RALGPS1: variants seen among roughly 807,000 people sequenced by gnomAD.
RALGPS1 encodes Ral GEF with PH domain and SH3 binding motif 1.
Under a neutral mutation model 78.8 loss-of-function variants are expected in RALGPS1, and 19 were observed. The observed-to-expected ratio is 0.24, with a 90% CI of 0.17 to 0.35. The LOEUF (loss-of-function observed/expected upper bound fraction) is 0.35. Among genes scored for constraint, RALGPS1 ranks in the 10% least tolerant of loss-of-function variants. The pLI, the probability that RALGPS1 is intolerant of heterozygous loss-of-function variation, is 1.00. For missense variants in RALGPS1, 454 were observed against 688.3 expected, an observed-to-expected ratio of 0.66 and a Z score of 3.81; for synonymous variants, 228 against 256.3, an observed-to-expected ratio of 0.89 and a Z score of 1.06.
Position 127,028,354 on chromosome 9 carries a change from A to G in RALGPS1, c.217-6077A>G, listed in dbSNP as rs188239622. On this transcript the variant is annotated intron_variant, in intron 4 of 18. Transcript: ENST00000259351. ...ATCCACTACCTGTGTGGTCTGGACA[A>G]ATTACCTGCTTGTTACATATTATTT... 1.0e-3 allele frequency among the ~76,000 whole-genome samples: 152 copies of G among 152,366 alleles called. 1 individual carries two copies. The highest frequency in any genetic ancestry group is 3.4e-3 in the Middle Eastern group (1 of 294).
In RALGPS1 at chr9:127,211,894, T is replaced by G. The variant is rs2062282673; in HGVS notation, c.1248-237T>G. Among the ~76,000 whole-genome samples, 1 of 152,176 alleles carries G rather than the reference T, an allele frequency of 6.6e-6. No individual in the cohort carries two copies. Among genetic ancestry groups the G allele is most frequent in the African/African-American group, 2.4e-5 (1 of 41,430 alleles). ...GATCAGGGCCTGGGTTATGAGGAAC[T>G]TGGTCACCAAGCCTGGAGCTTTGCA... On this transcript the variant is annotated intron_variant, in intron 14 of 18. Coordinates refer to ENST00000259351, the MANE Select transcript of RALGPS1 (RefSeq NM_014636.3). The surrounding 1 kb of genome is among the most constrained non-coding windows in gnomAD (Gnocchi z 5.0).
chr9:126,959,935 A>G (rs1338225804), intron 1 of RALGPS1, among the ~76,000 whole-genome samples: 2 of 152,196 alleles, frequency 1.3e-5, no homozygotes, highest in Non-Finnish European at 2.9e-5. Context: ...AATGTTGTTT[A>G]TAGGGCAGGC....
chr9:127,085,431 C>A (rs772276026), intron 8 of RALGPS1, among the ~76,000 whole-genome samples: 2 of 152,172 alleles, frequency 1.3e-5, no homozygotes, highest in Non-Finnish European at 2.9e-5. Flanking sequence ...TCTTTGCTGG[C>A]AGGTAGAGCA....
intron 4 of RALGPS1, among the ~76,000 whole-genome samples, chr9:127,006,534 A>C (rs986418391): frequency 5.3e-5 from 8 of 152,218 alleles, no homozygotes; most frequent in African/African-American, 1.9e-4. Flanking sequence ...TTCCACTGTT[A>C]CATTCAATAA....
chr9:127,169,678 C>T (rs1366700553), intron 10 of RALGPS1, among the ~76,000 whole-genome samples: 2 of 152,148 alleles, frequency 1.3e-5, no homozygotes, highest in Non-Finnish European at 2.9e-5. Flanking sequence ...AACGATCTTT[C>T]AACTTTACAG....
At chr9:127,009,812 G>A (rs181543829) in intron 4 of RALGPS1, among the ~76,000 whole-genome samples, 2 of 152,260 alleles carry the variant, frequency 1.3e-5, no homozygotes, top group African/African-American at 4.8e-5. Context: ...CTTAGCCTCT[G>A]CCCTTCCCAC....
chr9:126,982,734 T>G (rs909407057), intron 4 of RALGPS1, among the ~76,000 whole-genome samples: 4 of 150,598 alleles, frequency 2.7e-5, no homozygotes, highest in Non-Finnish European at 5.9e-5. Context: ...TGCCTCTCAG[T>G]TCCCCTTCCT....
chr9:127,208,435 G>C (rs1402367764), intron 14 of RALGPS1, among the ~76,000 whole-genome samples: 3 of 152,204 alleles, frequency 2.0e-5, no homozygotes, highest in Non-Finnish European at 2.9e-5. Context: ...ACAGTGTGGT[G>C]AGGAACTTGG....
intron 11 of RALGPS1, among the ~76,000 whole-genome samples, chr9:127,180,374 C>T (rs1362047842): frequency 1.3e-5 from 2 of 152,224 alleles, no homozygotes; most frequent in Non-Finnish European, 2.9e-5. Flanking sequence ...TGCTCTCTGA[C>T]ACACCTGCGT....
intron 8 of RALGPS1, among the ~76,000 whole-genome samples, chr9:127,070,798 A>G (rs1381886141): frequency 6.6e-6 from 1 of 151,990 alleles, no homozygotes; most frequent in African/African-American, 2.4e-5. Flanking sequence ...AATTTTTTGA[A>G]GTTACATTTT....
At chr9:127,131,807 G>A (rs1423489616) in intron 8 of RALGPS1, among the ~76,000 whole-genome samples, 9 of 152,192 alleles carry the variant, frequency 5.9e-5, no homozygotes, top group Non-Finnish European at 1.5e-5. Context: ...TGCATAGCAG[G>A]CACCCAGTCA....
chr9:127,152,690 G>A (rs1056358461), intron 8 of RALGPS1, among the ~76,000 whole-genome samples: 1 of 152,190 alleles, frequency 6.6e-6, no homozygotes, highest in Admixed American at 6.5e-5. Context: ...CACTAAGGCT[G>A]TCTGTCCATA....
At chr9:127,133,893 G>A (rs2057200515) in intron 8 of RALGPS1, among the ~76,000 whole-genome samples, 1 of 152,202 alleles carries the variant, frequency 6.6e-6, no homozygotes, top group African/African-American at 2.4e-5. Flanking sequence ...CACTGTGGGT[G>A]TCAGATGCTC....
At chr9:127,148,744 C>G (rs1038005522) in intron 8 of RALGPS1, among the ~76,000 whole-genome samples, 1 of 152,178 alleles carries the variant, frequency 6.6e-6, no homozygotes, top group Non-Finnish European at 1.5e-5. Flanking sequence ...ACAAGAGAGT[C>G]CATTTCACCT....
chr9:127,192,604 G>A (rs1424928021), intron 11 of RALGPS1, among the ~76,000 whole-genome samples: 1 of 152,126 alleles, frequency 6.6e-6, no homozygotes, highest in Non-Finnish European at 1.5e-5. Context: ...GCTGCAGCGA[G>A]CCATCATAGC....
intron 1 of RALGPS1, among the ~76,000 whole-genome samples, chr9:126,937,527 A>G (rs1414402337): frequency 6.6e-6 from 1 of 152,218 alleles, no homozygotes; most frequent in Non-Finnish European, 1.5e-5. Context: ...ATAAAAAAGT[A>G]AAAAGATGGG....
At chr9:127,088,818 C>CT (rs1440403634) in intron 8 of RALGPS1, 1 of 1,172,448 alleles carries the variant, frequency 8.5e-7, no homozygotes, top group African/African-American at 1.5e-5. Flanking sequence ...AAACAGAATC[C>CT]AGCATCCCGG....
chr9:127,077,026 C>T (rs2050740347), intron 8 of RALGPS1, among the ~76,000 whole-genome samples: 1 of 152,010 alleles, frequency 6.6e-6, no homozygotes, highest in South Asian at 2.1e-4. Flanking sequence ...GGAGCAGCTG[C>T]AGTGGAAGGG....
Position 127,091,521 on chromosome 9 carries a change from C to T in RALGPS1, c.610+22165C>T. On this transcript the variant is annotated intron_variant, in intron 8 of 18. Coordinates refer to ENST00000259351, the MANE Select transcript of RALGPS1 (RefSeq NM_014636.3). The surrounding 1 kb of genome is among the most constrained non-coding windows in gnomAD (Gnocchi z 4.3). Reference sequence around the variant, plus strand: ...GGACCTGTGGGCAGGAGAAGGGACCCTCAGGGGGTGGTAACAGGGTCAGGC... The same window carrying T: ...GGACCTGTGGGCAGGAGAAGGGACCTTCAGGGGGTGGTAACAGGGTCAGGC... 9.0e-7 allele frequency: 1 copy of T among 1,110,858 alleles called. No individual in the cohort carries two copies. The highest frequency in any genetic ancestry group is 2.3e-5 in the Admixed American group (1 of 43,640). The allele number at this position is 1,110,858 out of a possible 1,614,324, so 68.8% of individuals were successfully genotyped here.
Sources: gnomAD v4.1 joint callset for allele counts (sites outside exome capture counted in the v4.1 genomes callset) on GRCh38, gnomAD v4.1.1 for gene constraint, Gnocchi (gnomAD v3.1) non-coding constraint, MANE v1.5 for transcripts, NCBI Gene and HGNC (gene_info 2026-07-23, HGNC 2026-07-21) for gene names.